KLHL1: variants seen among roughly 807,000 people sequenced by gnomAD.
KLHL1 encodes kelch like family member 1.
A neutral mutation model predicts 77.7 loss-of-function variants in KLHL1; 47 were observed. That is an observed-to-expected ratio of 0.60 (90% CI 0.48 to 0.77). KLHL1 has a LOEUF of 0.77. Among genes scored for constraint, KLHL1 ranks in the 30% least tolerant of loss-of-function variants. The probability of loss-of-function intolerance (pLI) is 0.00; values close to 1 mark genes in which losing one functional copy is unlikely to be tolerated. For synonymous variants in KLHL1, 360 were observed against 325.2 expected (o/e 1.11, Z -1.15); for missense variants, 925 against 910.8 (o/e 1.02, Z -0.20).
intron 6 of KLHL1, among the ~76,000 whole-genome samples, chr13:69,809,145 T>A (rs1877752185): frequency 6.6e-6 from 1 of 152,086 alleles, no homozygotes; most frequent in Non-Finnish European, 1.5e-5. Context: ...TTTGAGGATA[T>A]AACTCGGAAA....
intron 1 of KLHL1, among the ~76,000 whole-genome samples, chr13:70,012,714 T>A (rs1179349942): frequency 6.6e-6 from 1 of 151,874 alleles, no homozygotes; most frequent in Non-Finnish European, 1.5e-5. Flanking sequence ...ATCGAGACCA[T>A]CCTGGCTAAC....
At chr13:69,769,912 C>T (rs1415026796) in intron 7 of KLHL1, among the ~76,000 whole-genome samples, 3 of 152,094 alleles carry the variant, frequency 2.0e-5, no homozygotes, top group African/African-American at 7.2e-5. Context: ...AGCTGGCTTG[C>T]CAAGCTGTGG....
intron 1 of KLHL1, among the ~76,000 whole-genome samples, chr13:70,083,723 A>C (rs1328622): frequency 0.15 from 23,576 of 152,106 alleles, 2,096 homozygotes; most frequent in East Asian, 0.24. Context: ...TTATATACGA[A>C]TTAATATTTA....
intron 10 of KLHL1, among the ~76,000 whole-genome samples, chr13:69,707,145 T>C (rs1266110432): frequency 6.6e-6 from 1 of 151,976 alleles, no homozygotes; most frequent in Non-Finnish European, 1.5e-5. Flanking sequence ...TTTATGGCTG[T>C]GGGGATTACT....
chr13:70,020,719 A>G (rs1355006315), intron 1 of KLHL1, among the ~76,000 whole-genome samples: 2 of 152,084 alleles, frequency 1.3e-5, no homozygotes, highest in African/African-American at 4.8e-5. Context: ...TCCTTTTTAC[A>G]TATACTGAAG....
At chr13:69,745,915 ATAAT>A (rs1368312133) in intron 7 of KLHL1, among the ~76,000 whole-genome samples, 1 of 151,734 alleles carries the variant, frequency 6.6e-6, no homozygotes, top group African/African-American at 2.4e-5. Flanking sequence ...AATTTTTTAG[ATAAT>A]TAATATCTTT....
At position 69,932,639 on chromosome 13, in the gene KLHL1, AT is replaced by A. The variant is rs748576997; in HGVS notation, c.1014+7400del. On this transcript the variant is annotated intron_variant, in intron 4 of 10. Transcript: ENST00000377844. Reference sequence around the variant, plus strand: ...TGAGACCTATGACAGCTCTTAAAAAATTTAACCTACTGTACCTAAGATATTT... The same window carrying A: ...TGAGACCTATGACAGCTCTTAAAAAATTAACCTACTGTACCTAAGATATTT... Among the ~76,000 whole-genome samples, 258 of 152,008 alleles carry A rather than the reference AT, an allele frequency of 1.7e-3. 3 individuals carry two copies. The highest frequency in any genetic ancestry group is 5.8e-4 in the East Asian group (3 of 5,174).
At chr13:69,707,916 G>A (rs113141686) in intron 9 of KLHL1, 120 bp from the exon 10 acceptor site, 2 of 702,784 alleles carry the variant, frequency 2.8e-6, no homozygotes, top group African/African-American at 1.8e-5. Context: ...TTTCTCTAAA[G>A]GCTCAATCAT....
At chr13:69,797,989 T>C (rs1435351884) in intron 6 of KLHL1, among the ~76,000 whole-genome samples, 2 of 152,176 alleles carry the variant, frequency 1.3e-5, no homozygotes, top group Non-Finnish European at 2.9e-5. Context: ...ACTAATAAAA[T>C]AGAAATTGAA....
rs116448477 is a variant in KLHL1 at position 69,847,571 on chromosome 13, A to G, written c.1228-8409T>C. 5.8e-3 allele frequency among the ~76,000 whole-genome samples: 885 copies of G among 151,576 alleles called. 14 individuals are homozygous for G. Among genetic ancestry groups the G allele is most frequent in the African/African-American group, 0.02 (829 of 41,468 alleles). ...AAAAATAAGTTTAAACATATTATAG[A>G]CCAAAGAAAAAGTACTAACTCTTCT... On this transcript the variant is annotated intron_variant, in intron 5 of 10. Transcript: ENST00000377844.
chr13:69,840,113 T>A (rs1879186113), intron 5 of KLHL1, among the ~76,000 whole-genome samples: 1 of 152,098 alleles, frequency 6.6e-6, no homozygotes, highest in Non-Finnish European at 1.5e-5. Context: ...TGGCAGCATG[T>A]GACTAATTAA....
At chr13:70,084,484 G>T in intron 1 of KLHL1, among the ~76,000 whole-genome samples, 2 of 31,750 alleles carry the variant, frequency 6.3e-5, no homozygotes, top group Admixed American at 3.7e-4. Context: ...TTTTGAGACG[G>T]AGTCTCGCTC....
intron 7 of KLHL1, among the ~76,000 whole-genome samples, chr13:69,790,970 A>T (rs1876845018): frequency 6.6e-6 from 1 of 152,140 alleles, no homozygotes; most frequent in Admixed American, 6.6e-5. Flanking sequence ...ATCTATTTTT[A>T]AAAAAGGAGA....
At chr13:69,870,300 T>C (rs1172813461) in intron 5 of KLHL1, among the ~76,000 whole-genome samples, 2 of 151,906 alleles carry the variant, frequency 1.3e-5, no homozygotes, top group Admixed American at 6.6e-5. Context: ...TTTAGCAACA[T>C]CTCTCCAGAG....
chr13:70,018,474 T>C (rs1457866309), intron 1 of KLHL1, among the ~76,000 whole-genome samples: 1 of 152,202 alleles, frequency 6.6e-6, no homozygotes, highest in Non-Finnish European at 1.5e-5. Context: ...GATGGACAGC[T>C]GAAATCTATG....
chr13:70,085,134 T>C (rs1282110737), intron 1 of KLHL1, among the ~76,000 whole-genome samples: 1 of 152,098 alleles, frequency 6.6e-6, no homozygotes, highest in Non-Finnish European at 1.5e-5. Context: ...TGTGCATGTA[T>C]GTATGAATGT....
At position 69,706,651 on chromosome 13, in the gene KLHL1, T is replaced by C. The variant is rs146576407; in HGVS notation, c.2187+974A>G. On this transcript the variant is annotated intron_variant, in intron 10 of 10. Transcript: ENST00000377844. ...TTTAGAGCTGCACTGCACTCCTAGA[T>C]GGAAACTATTTATTTGAACAGTATC... 7.2e-3 allele frequency among the ~76,000 whole-genome samples: 1,095 copies of C among 152,040 alleles called. 6 individuals carry two copies. Among genetic ancestry groups the C allele is most frequent in the Non-Finnish European group, 0.012 (818 of 67,918 alleles).
intron 1 of KLHL1, among the ~76,000 whole-genome samples, chr13:70,052,821 T>C (rs577751270): frequency 1.3e-5 from 2 of 152,112 alleles, no homozygotes; most frequent in South Asian, 4.1e-4. Context: ...AGGCCTGTTG[T>C]TGAATACGGA....
intron 1 of KLHL1, among the ~76,000 whole-genome samples, chr13:70,010,794 A>T (rs558149230): frequency 6.6e-6 from 1 of 152,126 alleles, no homozygotes; most frequent in South Asian, 2.1e-4. Flanking sequence ...AGGGAGGCTG[A>T]GGCAGGAGAA....
Sources: allele counts gnomAD v4.1 joint callset (sites outside exome capture counted in the v4.1 genomes callset), GRCh38; gene constraint gnomAD v4.1.1; transcripts MANE v1.5; gene names NCBI Gene and HGNC (gene_info 2026-07-23, HGNC 2026-07-21).